Variants in OGA observed in about 807,000 individuals in gnomAD.
The protein encoded by OGA is protein O-GlcNAcase.
Under a neutral mutation model 102.0 loss-of-function variants are expected in OGA, and 21 were observed. The ratio of observed to expected loss-of-function variants is 0.21; its 90% CI spans 0.15 to 0.30. The LOEUF is 0.30. Among genes scored for constraint, OGA ranks in the 10% least tolerant of loss-of-function variants. The pLI is 1.00. For synonymous variants in OGA, 408 were observed against 378.2 expected, an observed-to-expected ratio of 1.08 and a Z score of -0.91; for missense variants, 765 against 1,107.8, an observed-to-expected ratio of 0.69 and a Z score of 4.39.
chr10:101,791,664 C>T (rs919543805), intron 12 of OGA, among the ~76,000 whole-genome samples: 50 of 152,170 alleles, frequency 3.3e-4, no homozygotes, highest in African/African-American at 1.2e-3. Flanking sequence ...TTGGCTTTTG[C>T]AGAGGATGGT....
chr10:101,818,182 C>T lies in OGA; in HGVS notation c.-160G>A. On this transcript the variant is annotated 5_prime_UTR_variant, in exon 1 of 16. Transcript: ENST00000361464. Reference sequence around the variant, plus strand: ...CTTCCCCCTCCCTCTCCGCAGGGACCCGAATGCCCGGATGAGAAGGGCGGC... The same window carrying T: ...CTTCCCCCTCCCTCTCCGCAGGGACTCGAATGCCCGGATGAGAAGGGCGGC... 7.4e-7 allele frequency: 1 copy of T among 1,357,454 alleles called. No individual in the cohort carries two copies. The highest frequency in any genetic ancestry group is 9.4e-7 in the Non-Finnish European group (1 of 1,058,540). The allele number at this position is 1,357,454 out of a possible 1,614,324, so 84.1% of individuals were successfully genotyped here.
rs369462235 is a variant in OGA, at chr10:101,788,890, A to G, written c.2455-1367T>C. Among the ~76,000 whole-genome samples, 8 of 152,372 alleles carry G rather than the reference A, an allele frequency of 5.3e-5. No homozygotes were observed. In the South Asian group the frequency reaches 1.2e-3, roughly 24 times the overall value. ...TAGACTTCACCAATACAGAAAATGG[A>G]TAAGGAGTATACAGAAACTCTGTTT... On this transcript the variant is annotated intron_variant, in intron 14 of 15. Coordinates refer to ENST00000361464, the MANE Select transcript of OGA (RefSeq NM_012215.5).
intron 7 of OGA, among the ~76,000 whole-genome samples, chr10:101,802,675 G>GA (rs763196765): frequency 3.3e-3 from 426 of 129,336 alleles, no homozygotes; most frequent in African/African-American, 6.7e-3. Context: ...ATCTCAAAAA[G>GA]AAAAAAAAAA....
At chr10:101,787,759 GCTCTCTCTCT>G (rs139475608) in intron 14 of OGA, 6 of 373,754 alleles carry the variant, frequency 1.6e-5, no homozygotes, top group South Asian at 1.1e-4. Context: ...GCGTGCACGC[GCTCTCTCTCT>G]CTCTCTCTCT....
intron 1 of OGA, 43 bp from the exon 2 acceptor site, chr10:101,813,649 G>C (rs376069283): frequency 1.6e-6 from 2 of 1,279,894 alleles, no homozygotes; most frequent in Non-Finnish European, 2.2e-6. Context: ...GTTTTAAAAT[G>C]TGGTAAGCTT....
intron 7 of OGA, among the ~76,000 whole-genome samples, chr10:101,802,574 C>T (rs1316355361): frequency 6.6e-6 from 1 of 151,666 alleles, no homozygotes; most frequent in Non-Finnish European, 1.5e-5. Flanking sequence ...GAGGCTGAGA[C>T]AGGAGAATCA....
intron 12 of OGA, among the ~76,000 whole-genome samples, chr10:101,792,148 A>G (rs1323657795): frequency 1.3e-5 from 2 of 151,976 alleles, no homozygotes; most frequent in Non-Finnish European, 2.9e-5. Context: ...CCTCCCGAGT[A>G]GCTGGGACTA....
chr10:101,802,368 A>T (rs2065404385), intron 7 of OGA, among the ~76,000 whole-genome samples: 1 of 152,152 alleles, frequency 6.6e-6, no homozygotes, highest in African/African-American at 2.4e-5. Context: ...ACCCAACACT[A>T]GACTGTTTCT....
At chr10:101,809,127 T>C (rs1160857687) in intron 4 of OGA, among the ~76,000 whole-genome samples, 2 of 152,170 alleles carry the variant, frequency 1.3e-5, no homozygotes, top group Non-Finnish European at 1.5e-5. Flanking sequence ...GTCCATATAA[T>C]TGAAGAAACT....
At chr10:101,814,564 T>C (rs543514103) in intron 1 of OGA, among the ~76,000 whole-genome samples, 1 of 152,190 alleles carries the variant, frequency 6.6e-6, no homozygotes, top group African/African-American at 2.4e-5. Flanking sequence ...CATTCCAGCC[T>C]AGGTGACAGA....
intron 4 of OGA, among the ~76,000 whole-genome samples, chr10:101,808,130 C>T (rs1052655716): frequency 2.6e-5 from 4 of 152,082 alleles, no homozygotes; most frequent in African/African-American, 9.7e-5. Flanking sequence ...ATCTGAAATG[C>T]TTGGGACCAA....
Position 101,798,765 on chromosome 10 carries a change from C to G in OGA, c.1809+77G>C. ...AATTTTCTGTCAGTTACAGTGTACT[C>G]ATTTAAGAACCTTTTCCACATTACC... On this transcript the variant is annotated intron_variant, in intron 9 of 15. Coordinates refer to ENST00000361464, the MANE Select transcript of OGA (RefSeq NM_012215.5). 2 of 1,487,496 alleles carry G rather than the reference C, an allele frequency of 1.3e-6. 1 individual carries two copies. Among genetic ancestry groups the G allele is most frequent in the South Asian group, 2.6e-5 (2 of 77,528 alleles). 92.1% of individuals were successfully genotyped at this position (1,487,496 alleles called of 1,614,324 possible).
intron 1 of OGA, 117 bp downstream of exon 1, chr10:101,817,707 A>G: frequency 8.4e-6 from 10 of 1,186,558 alleles, no homozygotes; most frequent in Non-Finnish European, 1.0e-5. Flanking sequence ...TAGGAGGGCC[A>G]CATTTCAGAC....
chr10:101,787,483 G>A lies in OGA; in HGVS notation c.2495C>T (p.Pro832Leu), dbSNP rs1362898378. Residue 832 changes from proline (P) to leucine (L), a missense_variant, in exon 15 of 16, where the codon CCA becomes CTA. Physicochemically the swap from Pro to Leu is moderately conservative, Grantham distance 98 (BLOSUM62 -3). Coordinates refer to ENST00000361464, the MANE Select transcript of OGA (RefSeq NM_012215.5). ...AGGGAAATTAGCAAGGAAAGTTTCTGGCAGTACTTCCTGTTCTTCATGGAA... is the reference window on the plus strand; with the variant it reads ...AGGGAAATTAGCAAGGAAAGTTTCTAGCAGTACTTCCTGTTCTTCATGGAA... Reference protein sequence around the residue: ...LSFHEEQEVLPETFLANFPSL... With the variant: ...LSFHEEQEVLLETFLANFPSL... 1 of 1,613,402 alleles carries A rather than the reference G, an allele frequency of 6.2e-7. No individual in the cohort carries two copies. Among genetic ancestry groups the A allele is most frequent in the Non-Finnish European group, 8.5e-7 (1 of 1,179,548 alleles).
intron 5 of OGA, 28 bp from the exon 6 acceptor site, chr10:101,806,171 T>C (rs2065470235): frequency 7.1e-7 from 1 of 1,401,610 alleles, no homozygotes; most frequent in East Asian, 2.3e-5. Flanking sequence ...AGTAAAAAAG[T>C]CAGAATTAAA....
chr10:101,795,850 T>C, intron 10 of OGA: 1 of 913,524 alleles, frequency 1.1e-6, no homozygotes, highest in Non-Finnish European at 1.3e-6. Context: ...TTTAAGAAAG[T>C]TTACAAACTT....
At chr10:101,810,017 G>C (rs535989234) in intron 4 of OGA, among the ~76,000 whole-genome samples, 167 bp downstream of exon 4, 1 of 152,184 alleles carries the variant, frequency 6.6e-6, no homozygotes, top group Admixed American at 6.5e-5. Context: ...CTGCACTCCA[G>C]TCTGGGCGAC....
chr10:101,800,277 C>T lies in OGA; in HGVS notation c.1160G>A (p.Trp387Ter). 1 of 1,614,120 alleles carries T rather than the reference C, an allele frequency of 6.2e-7. No homozygotes were observed. Among genetic ancestry groups the T allele is most frequent in the Non-Finnish European group, 8.5e-7 (1 of 1,179,978 alleles). ...ATGAGGCACACCAAACTCTTGCAAC[C>T]ATTCTGTTAATGCTAGCTTTAGAGC... Reference protein sequence around the residue: ...QMALKLALTEWLQEFGVPHQY... With the variant: ...QMALKLALTE The change falls in exon 8 of 16, where the codon TGG becomes TAG. Residue 387 changes from tryptophan (W) to a stop codon, truncating the protein, a stop_gained. Coordinates refer to ENST00000361464, the MANE Select transcript of OGA (RefSeq NM_012215.5). LOFTEE classifies it high-confidence loss of function.
chr10:101,811,406 GAAAAAAAA>G (rs67433227), intron 3 of OGA, among the ~76,000 whole-genome samples: 5 of 45,704 alleles, frequency 1.1e-4, no homozygotes, highest in South Asian at 1.3e-3. Flanking sequence ...GAAAAAAAAT[GAAAAAAAA>G]AAAAAAAAAA....
Sources: gnomAD v4.1 joint callset for allele counts (sites outside exome capture counted in the v4.1 genomes callset) on GRCh38, gnomAD v4.1.1 for gene constraint, MANE v1.5 for transcripts, NCBI Gene and HGNC (gene_info 2026-07-23, HGNC 2026-07-21) for gene names.